Variants in CTNND2 observed in about 807,000 individuals in gnomAD.
CTNND2 encodes the protein catenin delta-2.
In CTNND2, 22 loss-of-function variants were observed where a neutral mutation model predicts 144.4. The observed-to-expected ratio is 0.15, with a 90% CI of 0.11 to 0.22. CTNND2 has a LOEUF of 0.22. Among genes scored for constraint, CTNND2 ranks in the 10% least tolerant of loss-of-function variants. The probability of loss-of-function intolerance (pLI) is 1.00; values close to 1 mark genes in which losing one functional copy is unlikely to be tolerated. For missense variants in CTNND2, 1,353 were observed against 1,618.8 expected, an observed-to-expected ratio of 0.84 and a Z score of 2.82; for synonymous variants, 751 against 695.6, an observed-to-expected ratio of 1.08 and a Z score of -1.25.
intron 11 of CTNND2, among the ~76,000 whole-genome samples, chr5:11,199,026 T>C (rs1041759497): frequency 6.6e-6 from 1 of 152,246 alleles, no homozygotes; most frequent in Non-Finnish European, 1.5e-5. Flanking sequence ...ATATTTCATT[T>C]AAAAAATTAA....
intron 1 of CTNND2, among the ~76,000 whole-genome samples, chr5:11,878,527 C>T (rs1285604759): frequency 1.3e-5 from 2 of 152,182 alleles, no homozygotes; most frequent in African/African-American, 4.8e-5. Flanking sequence ...TTCTATACCC[C>T]AGATCTCAAA....
intron 3 of CTNND2, among the ~76,000 whole-genome samples, chr5:11,429,143 T>C (rs1270964404): frequency 6.6e-6 from 1 of 152,158 alleles, no homozygotes; most frequent in Non-Finnish European, 1.5e-5. Context: ...TCCACCCTTT[T>C]CAAGTGCCAC....
intron 2 of CTNND2, among the ~76,000 whole-genome samples, chr5:11,710,193 G>A (rs1289004557): frequency 6.6e-6 from 1 of 152,116 alleles, no homozygotes; most frequent in Non-Finnish European, 1.5e-5. Flanking sequence ...CATTTATCTG[G>A]ATTTTGACCT....
intron 6 of CTNND2, among the ~76,000 whole-genome samples, chr5:11,387,932 T>C (rs1313779099): frequency 6.6e-6 from 1 of 152,184 alleles, no homozygotes; most frequent in Non-Finnish European, 1.5e-5. Flanking sequence ...TTGTAATCTG[T>C]CAAAACATCT....
chr5:11,807,051 T>C (rs1792043806), intron 1 of CTNND2, among the ~76,000 whole-genome samples: 1 of 152,180 alleles, frequency 6.6e-6, no homozygotes, highest in Admixed American at 6.6e-5. Context: ...GTCCATTTGC[T>C]ACATGAGATC....
intron 10 of CTNND2, among the ~76,000 whole-genome samples, chr5:11,206,417 A>C (rs1738054661): frequency 6.6e-6 from 1 of 152,174 alleles, no homozygotes; most frequent in Admixed American, 6.5e-5. Flanking sequence ...AAGTGCACCC[A>C]AGAAAGGCCT....
At position 11,384,647 on chromosome 5, in the gene CTNND2, G is replaced by A. The variant is rs770283774; in HGVS notation, c.1177+18C>T. On this transcript the variant is annotated intron_variant, in intron 7 of 21. Coordinates refer to ENST00000304623, the MANE Select transcript of CTNND2 (RefSeq NM_001332.4). The surrounding 1 kb of genome is among the most constrained non-coding windows in gnomAD (Gnocchi z 5.2). ...CACGCGCCCAGGTGAGTCGCGCCAG[G>A]TGGCAGCGAGCCTTTACCTGCCAGG... is the stretch of plus-strand genomic sequence containing the variant. 2.5e-6 allele frequency: 4 copies of A among 1,588,608 alleles called. No individual in the cohort carries two copies. In the East Asian group the frequency reaches 9.1e-5, roughly 36 times the overall value.
At chr5:11,082,054 A>G (rs1749632305) in intron 16 of CTNND2, among the ~76,000 whole-genome samples, 1 of 152,154 alleles carries the variant, frequency 6.6e-6, no homozygotes, top group Admixed American at 6.5e-5. Context: ...TTTGTGATTC[A>G]TTTGTTTAGT....
Position 11,346,623 on chromosome 5 carries a change from T to C in CTNND2, c.1377A>G (p.Pro459=). The C allele has an allele frequency of 6.6e-7, 1 of 1,504,040 alleles. No individual in the cohort carries two copies. The highest frequency in any genetic ancestry group is 8.9e-7 in the Non-Finnish European group (1 of 1,124,306). The allele number at this position is 1,504,040 out of a possible 1,614,324, so 93.2% of individuals were successfully genotyped here. A position where few individuals can be genotyped will look rare whatever the true frequency, so the allele number is the denominator to read the frequency against. Residue 459 remains proline, a synonymous_variant, in exon 9 of 22, where the codon CCA becomes CCG. Coordinates refer to ENST00000304623, the MANE Select transcript of CTNND2 (RefSeq NM_001332.4). ...HTGTYRTSTA[P]SSPGVDSVPL... is the part of the protein sequence containing the mutation. ...GGACGGAGTCGACACCAGGGGAAGA[T>C]GGGGCTACGACAGGAAAGTAGGGAC...
intron 3 of CTNND2, among the ~76,000 whole-genome samples, chr5:11,514,423 C>A (rs1387320469): frequency 6.6e-6 from 1 of 151,900 alleles, no homozygotes; most frequent in African/African-American, 2.4e-5. Flanking sequence ...TGGCTGTATT[C>A]ATTTGATGGA....
At chr5:11,328,735 A>C (rs1305221212) in intron 9 of CTNND2, among the ~76,000 whole-genome samples, 2 of 152,190 alleles carry the variant, frequency 1.3e-5, no homozygotes, top group African/African-American at 2.4e-5. Context: ...CTACACGTGC[A>C]GATTATTGCG....
chr5:11,813,755 C>T (rs947201873), intron 1 of CTNND2, among the ~76,000 whole-genome samples: 4 of 152,208 alleles, frequency 2.6e-5, no homozygotes, highest in Non-Finnish European at 5.9e-5. Flanking sequence ...CTCAAGCGAT[C>T]CTTCAGCCTC....
chr5:11,856,020 T>A (rs77069299), intron 1 of CTNND2, among the ~76,000 whole-genome samples: 1 of 152,228 alleles, frequency 6.6e-6, no homozygotes, highest in Admixed American at 6.5e-5. Context: ...CTATGTGCAT[T>A]AAGAAATTGT....
intron 9 of CTNND2, among the ~76,000 whole-genome samples, chr5:11,341,905 G>A (rs1580960294): frequency 6.6e-6 from 1 of 152,276 alleles, no homozygotes. Flanking sequence ...ACCTACTTGG[G>A]AGGCTGAGGT....
At chr5:11,173,163 G>A (rs181762386) in intron 11 of CTNND2, among the ~76,000 whole-genome samples, 90 of 152,352 alleles carry the variant, frequency 5.9e-4, no homozygotes, top group Middle Eastern at 3.4e-3. Context: ...AACTTCCCGG[G>A]TACCCGTGCC....
intron 3 of CTNND2, among the ~76,000 whole-genome samples, chr5:11,509,022 C>T (rs1771365836): frequency 6.6e-6 from 1 of 152,064 alleles, no homozygotes; most frequent in African/African-American, 2.4e-5. Flanking sequence ...AATTAAGTTG[C>T]AGGGACTTTA....
intron 9 of CTNND2, among the ~76,000 whole-genome samples, chr5:11,311,851 CA>C (rs1750927969): frequency 7.5e-6 from 1 of 133,996 alleles, no homozygotes; most frequent in Non-Finnish European, 1.7e-5. Flanking sequence ...CATACACCCT[CA>C]CCCCACACAC....
chr5:11,555,444 A>G (rs1389391192), intron 3 of CTNND2, among the ~76,000 whole-genome samples: 1 of 152,128 alleles, frequency 6.6e-6, no homozygotes, highest in African/African-American at 2.4e-5. Flanking sequence ...TGACTACAAA[A>G]AAAGAGAGGT....
At chr5:11,658,395 T>C (rs1404188386) in intron 2 of CTNND2, among the ~76,000 whole-genome samples, 1 of 152,144 alleles carries the variant, frequency 6.6e-6, no homozygotes, top group Non-Finnish European at 1.5e-5. Flanking sequence ...CCCTAATACA[T>C]GTCAGAGATA....
Sources: allele counts gnomAD v4.1 joint callset (sites outside exome capture counted in the v4.1 genomes callset), GRCh38; gene constraint gnomAD v4.1.1; non-coding constraint Gnocchi (gnomAD v3.1); transcripts MANE v1.5; gene names NCBI Gene and HGNC (gene_info 2026-07-23, HGNC 2026-07-21).